COBL: variants seen among roughly 807,000 people sequenced by gnomAD.
COBL encodes cordon-bleu WH2 repeat protein.
In COBL, 51 loss-of-function variants were observed where a neutral mutation model predicts 98.8. That is an observed-to-expected ratio of 0.52 (90% CI 0.41 to 0.65). The LOEUF is 0.65. Ranked by LOEUF, COBL falls within the 30% of genes least tolerant of loss-of-function variation. The pLI is 0.00. For synonymous variants in COBL, 634 were observed against 651.7 expected (o/e 0.97, Z 0.41); for missense variants, 1,617 against 1,617.5 (o/e 1.00, Z 0.01).
At chr7:51,272,874 A>C (rs1166683278) in intron 1 of COBL, among the ~76,000 whole-genome samples, 2 of 152,134 alleles carry the variant, frequency 1.3e-5, no homozygotes, top group Non-Finnish European at 2.9e-5. Context: ...GCAGGTAAAG[A>C]CAACTTAATA....
chr7:51,091,620 T>C (rs984773547), intron 6 of COBL, among the ~76,000 whole-genome samples: 2 of 152,112 alleles, frequency 1.3e-5, no homozygotes, highest in South Asian at 2.1e-4. Flanking sequence ...AGAAGTAATG[T>C]CTGACAATTC....
At chr7:51,247,143 T>C (rs549985559) in intron 1 of COBL, among the ~76,000 whole-genome samples, 77 of 152,336 alleles carry the variant, frequency 5.1e-4, no homozygotes, top group African/African-American at 1.9e-3. Context: ...CTACCTCCCA[T>C]CTGCCACGTT....
At chr7:51,246,804 T>G (rs542793052) in intron 1 of COBL, among the ~76,000 whole-genome samples, 1 of 152,342 alleles carries the variant, frequency 6.6e-6, no homozygotes, top group East Asian at 1.9e-4. Context: ...ATGGGCTTTT[T>G]TTGTGCAGAT....
chr7:51,092,287 G>GA (rs1317760797), intron 6 of COBL, among the ~76,000 whole-genome samples: 1 of 152,196 alleles, frequency 6.6e-6, no homozygotes, highest in Non-Finnish European at 1.5e-5. Flanking sequence ...AAAGGGTGGG[G>GA]ACTACTGCTT....
intron 2 of COBL, among the ~76,000 whole-genome samples, chr7:51,207,675 G>A (rs551169888): frequency 3.9e-4 from 55 of 140,742 alleles, no homozygotes; most frequent in South Asian, 1.1e-3. Flanking sequence ...CGAGTGATCC[G>A]CCAGCCTCGG....
chr7:51,263,463 G>A (rs1797901175), intron 1 of COBL, among the ~76,000 whole-genome samples: 1 of 152,212 alleles, frequency 6.6e-6, no homozygotes, highest in African/African-American at 2.4e-5. Context: ...GAAATCAGAA[G>A]AGCATTTCAG....
At chr7:51,298,159 G>A (rs558933477) in intron 1 of COBL, among the ~76,000 whole-genome samples, 1 of 152,156 alleles carries the variant, frequency 6.6e-6, no homozygotes, top group Admixed American at 6.5e-5. Flanking sequence ...TCAGGCATAC[G>A]GAGAGGCCAC....
intron 8 of COBL, chr7:51,035,070 G>C (rs1788504396): frequency 6.6e-6 from 1 of 152,216 alleles, no homozygotes; most frequent in East Asian, 1.9e-4. Context: ...TGCGTCCTTG[G>C]GCCCAGCCTC....
intron 7 of COBL, among the ~76,000 whole-genome samples, chr7:51,080,345 T>C (rs1004786247): frequency 3.3e-5 from 5 of 152,226 alleles, no homozygotes; most frequent in African/African-American, 1.2e-4. Context: ...TTCTCCTTTT[T>C]AACAACCTAA....
chr7:51,119,630 GGA>G (rs1797575408), intron 6 of COBL, among the ~76,000 whole-genome samples: 1 of 152,120 alleles, frequency 6.6e-6, no homozygotes, highest in Non-Finnish European at 1.5e-5. Flanking sequence ...AAATGTCTGT[GGA>G]ATTCAAGTCT....
intron 1 of COBL, among the ~76,000 whole-genome samples, chr7:51,294,782 T>C (rs1801258064): frequency 6.6e-6 from 1 of 152,140 alleles, no homozygotes; most frequent in South Asian, 2.1e-4. Context: ...TTATACCCCC[T>C]GTAGATCTAG....
intron 6 of COBL, among the ~76,000 whole-genome samples, chr7:51,085,856 C>T (rs887242974): frequency 8.5e-5 from 13 of 152,166 alleles, no homozygotes; most frequent in African/African-American, 3.1e-4. Context: ...CATCTTGATC[C>T]AGAATCGCAA....
chr7:51,035,517 G>A (rs936728098), intron 8 of COBL: 3 of 152,152 alleles, frequency 2.0e-5, no homozygotes, highest in Admixed American at 1.3e-4. Flanking sequence ...GATGATAGTC[G>A]TATGTGCTTA....
At chr7:51,176,553 G>C (rs189823319) in intron 5 of COBL, among the ~76,000 whole-genome samples, 1 of 152,112 alleles carries the variant, frequency 6.6e-6, no homozygotes, top group Non-Finnish European at 1.5e-5. Flanking sequence ...TCCCTTTTGA[G>C]GACATGATTT....
intron 5 of COBL, among the ~76,000 whole-genome samples, chr7:51,169,928 G>C (rs912475595): frequency 1.3e-5 from 2 of 151,902 alleles, no homozygotes; most frequent in Non-Finnish European, 2.9e-5. Context: ...TGGCATGGAG[G>C]CATCAAAGTA....
At chr7:51,065,337 T>C (rs1791807198) in intron 7 of COBL, 2 of 703,552 alleles carry the variant, frequency 2.8e-6, no homozygotes, top group Admixed American at 2.0e-5. Context: ...CAGGATTGTG[T>C]AGAGAACTGC....
In COBL at chr7:51,141,775, G is replaced by A. The variant is rs531542123; in HGVS notation, c.784-5444C>T. Among the ~76,000 whole-genome samples, 7 of 152,130 alleles carry A rather than the reference G, an allele frequency of 4.6e-5. No homozygotes were observed. In the South Asian group the frequency reaches 6.2e-4, roughly 14 times the overall value. ...CAATGTGACATAAACCAGATGAGGC[G>A]AACGGGCACTCCCTGGGGTCTGTTG... On this transcript the variant is annotated intron_variant, in intron 5 of 12. Transcript: ENST00000265136.
intron 1 of COBL, among the ~76,000 whole-genome samples, chr7:51,239,792 G>C (rs1043353903): frequency 6.6e-6 from 1 of 152,090 alleles, no homozygotes; most frequent in African/African-American, 2.4e-5. Context: ...ATGGTATTTT[G>C]CCATGGAAAT....
chr7:51,313,198 C>T (rs1365255627), intron 1 of COBL, among the ~76,000 whole-genome samples: 1 of 152,074 alleles, frequency 6.6e-6, no homozygotes, highest in East Asian at 1.9e-4. Context: ...TAGCCAAAAG[C>T]CAAAGGCCTA....
Sources: gnomAD v4.1 joint callset for allele counts (sites outside exome capture counted in the v4.1 genomes callset) on GRCh38, gnomAD v4.1.1 for gene constraint, MANE v1.5 for transcripts, NCBI Gene and HGNC (gene_info 2026-07-23, HGNC 2026-07-21) for gene names.